The following LRRTM4 variants were observed in gnomAD, a reference collection of about 807,000 sequenced individuals.
LRRTM4 encodes leucine rich repeat transmembrane neuronal 4, also known as leucine-rich repeat transmembrane neuronal protein 4.
A neutral mutation model predicts 47.6 loss-of-function variants in LRRTM4; 25 were observed. That is an observed-to-expected ratio of 0.53 (90% CI 0.38 to 0.73). LRRTM4 has a LOEUF of 0.73. LRRTM4 is among the 30% of genes least tolerant of loss of function. LRRTM4 has a pLI of 0.00. For missense variants in LRRTM4, 638 were observed against 713.4 expected (o/e 0.89, Z 1.20); for synonymous variants, 311 against 269.5 (o/e 1.15, Z -1.51).
chr2:77,362,590 C>T (rs974111018), intron 3 of LRRTM4, among the ~76,000 whole-genome samples: 3 of 152,110 alleles, frequency 2.0e-5, no homozygotes, highest in Non-Finnish European at 2.9e-5. Context: ...TGCCTCCTTC[C>T]GCCCCATGAA....
At chr2:77,281,839 C>T (rs1275343501) in intron 3 of LRRTM4, among the ~76,000 whole-genome samples, 2 of 151,604 alleles carry the variant, frequency 1.3e-5, no homozygotes, top group Admixed American at 1.3e-4. Context: ...AAAGTTTGAC[C>T]ATGTAGACTA....
intron 3 of LRRTM4, among the ~76,000 whole-genome samples, chr2:76,841,283 G>C (rs1297352671): frequency 6.6e-6 from 1 of 151,100 alleles, no homozygotes; most frequent in Non-Finnish European, 1.5e-5. Context: ...TGTGGGGTGG[G>C]GGGAGTGGGG....
chr2:76,958,051 A>T (rs1227842732), intron 3 of LRRTM4, among the ~76,000 whole-genome samples: 1 of 151,680 alleles, frequency 6.6e-6, no homozygotes, highest in Non-Finnish European at 1.5e-5. Context: ...CAATAAGTTA[A>T]GCTTTAACAC....
At chr2:77,266,567 G>C (rs1272874114) in intron 3 of LRRTM4, among the ~76,000 whole-genome samples, 1 of 152,122 alleles carries the variant, frequency 6.6e-6, no homozygotes, top group Admixed American at 6.6e-5. Flanking sequence ...TAGTAGAGTG[G>C]AGGAAATTGC....
At chr2:76,824,113 A>C (rs752602708) in intron 3 of LRRTM4, among the ~76,000 whole-genome samples, 3 of 151,500 alleles carry the variant, frequency 2.0e-5, no homozygotes, top group Non-Finnish European at 3.0e-5. Flanking sequence ...GATATCTCAT[A>C]GTAACATAAA....
chr2:77,497,619 A>T (rs1002377080), intron 3 of LRRTM4, among the ~76,000 whole-genome samples: 2 of 151,264 alleles, frequency 1.3e-5, no homozygotes, highest in Non-Finnish European at 3.0e-5. Flanking sequence ...ATGTACATAT[A>T]TGTATGCATG....
intron 3 of LRRTM4, among the ~76,000 whole-genome samples, chr2:76,985,359 TCA>T (rs1676757035): frequency 6.6e-6 from 1 of 151,986 alleles, no homozygotes; most frequent in South Asian, 2.1e-4. Context: ...AAAGAACGAT[TCA>T]CAGAGTTTGC....
At chr2:76,856,298 TAAAA>T (rs975579040) in intron 3 of LRRTM4, among the ~76,000 whole-genome samples, 2 of 150,706 alleles carry the variant, frequency 1.3e-5, no homozygotes, top group Non-Finnish European at 2.9e-5. Context: ...GAGAGAGAGA[TAAAA>T]AAAAGTATAA....
intron 3 of LRRTM4, among the ~76,000 whole-genome samples, chr2:77,211,593 T>A (rs1389538746): frequency 6.6e-6 from 1 of 152,152 alleles, no homozygotes; most frequent in East Asian, 1.9e-4. Flanking sequence ...TTCTTGCTAG[T>A]TTCAGTTATT....
At chr2:77,094,702 A>G (rs72911821) in intron 3 of LRRTM4, among the ~76,000 whole-genome samples, 3,093 of 152,276 alleles carry the variant, frequency 0.02, 118 homozygotes, top group African/African-American at 0.07. Context: ...TCTTTAATAA[A>G]TGGTGTTAGA....
intron 3 of LRRTM4, among the ~76,000 whole-genome samples, chr2:77,439,913 C>G (rs1167806606): frequency 6.6e-6 from 1 of 152,080 alleles, no homozygotes; most frequent in East Asian, 1.9e-4. Flanking sequence ...AATGTCACAG[C>G]TAGTACAAAA....
chr2:76,779,926 T>C (rs912400596), intron 3 of LRRTM4, among the ~76,000 whole-genome samples: 4 of 151,982 alleles, frequency 2.6e-5, no homozygotes, highest in Non-Finnish European at 5.9e-5. Flanking sequence ...TGTTTAGTGC[T>C]TCCTTCAGGA....
chr2:77,328,315 G>A (rs1235210661), intron 3 of LRRTM4, among the ~76,000 whole-genome samples: 2 of 152,140 alleles, frequency 1.3e-5, no homozygotes, highest in African/African-American at 4.8e-5. Flanking sequence ...GCACTGCTCT[G>A]GCAGTCATAG....
intron 3 of LRRTM4, among the ~76,000 whole-genome samples, chr2:76,925,338 G>C (rs568598475): frequency 6.6e-6 from 1 of 152,190 alleles, no homozygotes; most frequent in South Asian, 2.1e-4. Context: ...GTCTGTTCTG[G>C]CAACAACCTG....
chr2:76,944,517 G>A (rs1675258600), intron 3 of LRRTM4, among the ~76,000 whole-genome samples: 1 of 152,078 alleles, frequency 6.6e-6, no homozygotes. Context: ...CAAATTTTTG[G>A]TGAATGAATG....
intron 3 of LRRTM4, among the ~76,000 whole-genome samples, chr2:77,386,365 G>A (rs1673273498): frequency 6.6e-6 from 1 of 152,082 alleles, no homozygotes. Context: ...ATAAAACAAA[G>A]AGAAATGCTG....
At chr2:76,962,326 G>A (rs1562341) in intron 3 of LRRTM4, among the ~76,000 whole-genome samples, 7,978 of 151,182 alleles carry the variant, frequency 0.053, 480 homozygotes, top group East Asian at 0.14. Context: ...TAAATGTGTA[G>A]CAGTGGTTAC....
At chr2:77,219,929 C>T (rs1224998182) in intron 3 of LRRTM4, among the ~76,000 whole-genome samples, 1 of 152,114 alleles carries the variant, frequency 6.6e-6, no homozygotes, top group Admixed American at 6.5e-5. Context: ...CCCTGACCCC[C>T]GAGTAGCCTA....
At chr2:77,099,766 T>G (rs913131139) in intron 3 of LRRTM4, among the ~76,000 whole-genome samples, 5 of 152,096 alleles carry the variant, frequency 3.3e-5, no homozygotes, top group Non-Finnish European at 7.4e-5. Context: ...TAATGATTAC[T>G]AACTGGAAGC....
Sources: gnomAD v4.1 joint callset for allele counts (sites outside exome capture counted in the v4.1 genomes callset) on GRCh38, gnomAD v4.1.1 for gene constraint, MANE v1.5 for transcripts, NCBI Gene and HGNC (gene_info 2026-07-23, HGNC 2026-07-21) for gene names.